Variants in CCDC3 observed in about 807,000 individuals in gnomAD.
CCDC3 encodes the protein coiled-coil domain containing 3, also known as coiled-coil domain-containing protein 3.
Under a neutral mutation model 21.4 loss-of-function variants are expected in CCDC3, and 24 were observed. The ratio of observed to expected loss-of-function variants is 1.12; its 90% confidence interval spans 0.81 to 1.58. The LOEUF is 1.58. Ranked by LOEUF, CCDC3 falls within the 40% of genes most tolerant of loss-of-function variation. The probability of loss-of-function intolerance (pLI) is 0.00; values close to 1 mark genes in which losing one functional copy is unlikely to be tolerated. For missense variants in CCDC3, 425 were observed against 360.9 expected, an observed-to-expected ratio of 1.18 and a Z score of -1.44; for synonymous variants, 186 against 166.0, an observed-to-expected ratio of 1.12 and a Z score of -0.93.
chr10:13,057,593 G>A lies in CCDC3; in HGVS notation c.-269-7652C>T, dbSNP rs183248412. On this transcript the variant is annotated intron_variant, in intron 4 of 6. Coordinates refer to the CCDC3 transcript ENST00000378839. ...GAAAAATCCTCATAGAAAATTGTTT[G>A]GTTTGACCGGGCGCGGGGGCTCACA... 1.7e-4 allele frequency among the ~76,000 whole-genome samples: 26 copies of A among 151,930 alleles called. 1 individual carries two copies. The highest frequency in any genetic ancestry group is 1.3e-3 in the Admixed American group (20 of 15,248).
chr10:12,900,522 C>A (rs1346504701), intron 2 of CCDC3, among the ~76,000 whole-genome samples: 483 of 75,760 alleles, frequency 6.4e-3, no homozygotes, highest in African/African-American at 7.5e-3. Flanking sequence ...ACTAAAAATA[C>A]AAAAAAAAAA....
rs1258859350 is a variant in CCDC3 at position 13,067,472 on chromosome 10, T to C, written c.-270+6396A>G. ...TATATTCTCTGTAAAGTTTTAATTA[T>C]GAAAAAGGATTTGTGAGGTTGGTCT... On this transcript the variant is annotated intron_variant, in intron 4 of 6. Coordinates refer to the CCDC3 transcript ENST00000378839. 2.0e-5 allele frequency among the ~76,000 whole-genome samples: 3 copies of C among 152,182 alleles called. No individual in the cohort carries two copies. The East Asian group carries it at 5.8e-4, about 29-fold the overall frequency.
In CCDC3 at chr10:12,898,497, T is replaced by TA; in HGVS notation, c.731_732insT (p.Lys244AsnfsTer4). Reference sequence around the variant, plus strand: ...CGCCCGCCGCCAGCTTCTCACTGAGTTTCTGGTTCGCCAGCTCCAGGTGGC... The same window carrying TA: ...CGCCCGCCGCCAGCTTCTCACTGAGTATTCTGGTTCGCCAGCTCCAGGTGGC... On this transcript the variant is annotated frameshift_variant, in exon 3 of 3. Coordinates refer to ENST00000378825, the MANE Select transcript of CCDC3 (RefSeq NM_031455.4). LOFTEE classifies it low-confidence loss of function (END_TRUNC). The TA allele has an allele frequency of 1.2e-6, 2 of 1,613,996 alleles. No individual in the cohort carries two copies. The highest frequency in any genetic ancestry group is 1.7e-6 in the Non-Finnish European group (2 of 1,179,934).
At chr10:13,069,762 T>TA (rs1217490077) in intron 4 of CCDC3, among the ~76,000 whole-genome samples, 1 of 152,240 alleles carries the variant, frequency 6.6e-6, no homozygotes, top group Non-Finnish European at 1.5e-5. Flanking sequence ...TCTAAAATTC[T>TA]AATGTCTGAG....
At position 12,979,765 on chromosome 10, in the gene CCDC3, C is replaced by T. The variant is rs539109571; in HGVS notation, c.549+18573G>A. 2.6e-5 allele frequency among the ~76,000 whole-genome samples: 4 copies of T among 152,244 alleles called. No individual in the cohort carries two copies. The South Asian group carries it at 8.3e-4, about 32-fold the overall frequency. On this transcript the variant is annotated intron_variant, in intron 2 of 2. Coordinates refer to ENST00000378825, the MANE Select transcript of CCDC3 (RefSeq NM_031455.4). ...CATCCTCAAACTTTGGCTAAATAAA[C>T]CGCTACTGACTGAGACACCTGCCTC... is the stretch of plus-strand genomic sequence containing the variant.
At chr10:13,094,429 G>GT (rs1432200326) in intron 3 of CCDC3, among the ~76,000 whole-genome samples, 2 of 151,816 alleles carry the variant, frequency 1.3e-5, no homozygotes, top group African/African-American at 2.4e-5. Flanking sequence ...GCTAATTTTT[G>GT]TTTTTTTAGT....
At chr10:12,928,692 GA>G (rs1438178168) in intron 2 of CCDC3, among the ~76,000 whole-genome samples, 1 of 152,212 alleles carries the variant, frequency 6.6e-6, no homozygotes, top group Non-Finnish European at 1.5e-5. Context: ...CTCCCTGTAG[GA>G]AGTGATTTTG....
chr10:13,000,387 C>T (rs1787293641), intron 1 of CCDC3, among the ~76,000 whole-genome samples: 1 of 152,114 alleles, frequency 6.6e-6, no homozygotes, highest in African/African-American at 2.4e-5. Flanking sequence ...CAGATGCATT[C>T]CATCTTGACC....
intron 2 of CCDC3, among the ~76,000 whole-genome samples, chr10:12,931,245 G>A (rs1203067626): frequency 1.4e-5 from 2 of 146,082 alleles, no homozygotes; most frequent in Admixed American, 6.9e-5. Flanking sequence ...TTAAAGCTCT[G>A]ACAAGTCTGC....
At chr10:12,935,612 C>CT (rs1365870086) in intron 2 of CCDC3, among the ~76,000 whole-genome samples, 1 of 151,580 alleles carries the variant, frequency 6.6e-6, no homozygotes, top group East Asian at 1.9e-4. Context: ...AACTTCAACT[C>CT]TTTTTTATTG....
intron 2 of CCDC3, among the ~76,000 whole-genome samples, chr10:12,925,986 G>A (rs1254568038): frequency 6.6e-6 from 1 of 152,278 alleles, no homozygotes; most frequent in African/African-American, 2.4e-5. Context: ...ATTTGTAGGG[G>A]CAGTTGGGTA....
chr10:12,913,700 T>C (rs1024756292), intron 2 of CCDC3, among the ~76,000 whole-genome samples: 2 of 152,276 alleles, frequency 1.3e-5, no homozygotes, highest in African/African-American at 4.8e-5. Flanking sequence ...CCACGGAGTA[T>C]GATGTTAGCT....
intron 2 of CCDC3, among the ~76,000 whole-genome samples, chr10:12,917,485 T>C (rs1290369185): frequency 1.3e-5 from 2 of 152,102 alleles, no homozygotes; most frequent in East Asian, 1.9e-4. Context: ...CGTGAGCCAC[T>C]GCGCCCGGCC....
intron 3 of CCDC3, among the ~76,000 whole-genome samples, chr10:13,076,670 ATCTGTGCTGGACATGC>A (rs1291138356): frequency 6.6e-6 from 1 of 152,208 alleles, no homozygotes; most frequent in Middle Eastern, 3.2e-3. Context: ...TAACCAAGAT[ATCTGTGCTGGACATGC>A]TCACAGACAT....
intron 3 of CCDC3, among the ~76,000 whole-genome samples, chr10:13,086,375 T>G (rs1013299551): frequency 1.2e-4 from 19 of 152,254 alleles, no homozygotes; most frequent in African/African-American, 3.9e-4. Context: ...GAGTAAATAT[T>G]CACATCAATA....
Position 12,897,093 on chromosome 10 carries a change from TG to T in CCDC3, c.*1322del, listed in dbSNP as rs11358346. Reference sequence around the variant, plus strand: ...CAGCATCACCAGGCCCTGCAGTGTCTGGGGGGGGTCTCTGGGGGGCAGATCC... The same window carrying T: ...CAGCATCACCAGGCCCTGCAGTGTCTGGGGGGGTCTCTGGGGGGCAGATCC... On this transcript the variant is annotated 3_prime_UTR_variant, in exon 3 of 3. Coordinates refer to ENST00000378825, the MANE Select transcript of CCDC3 (RefSeq NM_031455.4). 0.65 allele frequency: 98,319 copies of T among 152,358 alleles called. 33,884 individuals carry two copies. The highest frequency in any genetic ancestry group is 0.77 in the Non-Finnish European group (52,573 of 68,310). The allele number at this position is 152,358 out of a possible 1,614,324, so 9.4% of individuals were successfully genotyped here. A position where few individuals can be genotyped will look rare whatever the true frequency, so the allele number is the denominator to read the frequency against.
chr10:13,006,451 CA>C (rs1360841484), upstream of CCDC3, among the ~76,000 whole-genome samples: 3 of 152,198 alleles, frequency 2.0e-5, no homozygotes, highest in Non-Finnish European at 4.4e-5. Context: ...TTGCACAGCC[CA>C]ACTGATGAGT....
intron 2 of CCDC3, among the ~76,000 whole-genome samples, chr10:12,918,996 C>T (rs1247330943): frequency 6.6e-6 from 1 of 152,116 alleles, no homozygotes; most frequent in Non-Finnish European, 1.5e-5. Flanking sequence ...GCGGAGCTTG[C>T]AGTGAGCCGA....
intron 2 of CCDC3, among the ~76,000 whole-genome samples, chr10:12,918,196 A>G (rs536629494): frequency 1.5e-4 from 23 of 152,158 alleles, no homozygotes; most frequent in Non-Finnish European, 2.9e-4. Context: ...CTGTTTAGCT[A>G]TGGGTTAATA....
Sources: gnomAD v4.1 joint callset for allele counts (sites outside exome capture counted in the v4.1 genomes callset) on GRCh38, gnomAD v4.1.1 for gene constraint, MANE v1.5 for transcripts, NCBI Gene and HGNC (gene_info 2026-07-23, HGNC 2026-07-21) for gene names.